Variants in SARS2 observed in about 807,000 individuals in gnomAD.
SARS2 encodes seryl-tRNA synthetase 2, mitochondrial, also known as serine--tRNA ligase, mitochondrial.
Under a neutral mutation model 66.8 loss-of-function variants are expected in SARS2, and 52 were observed. The ratio of observed to expected loss-of-function variants is 0.78; its 90% CI spans 0.62 to 0.98. The LOEUF (loss-of-function observed/expected upper bound fraction) is 0.98. Ranked by LOEUF, SARS2 falls within the 50% of genes least tolerant of loss-of-function variation. SARS2 has a pLI of 0.00. For missense variants in SARS2, 673 were observed against 706.3 expected (o/e 0.95, Z 0.53); for synonymous variants, 306 against 281.4 (o/e 1.09, Z -0.87).
chr19:38,921,240 C>A, intron 5 of SARS2, 152 bp downstream of exon 5: 1 of 790,144 alleles, frequency 1.3e-6, no homozygotes, highest in Non-Finnish European at 2.2e-6. Context: ...AGCTCGAGCT[C>A]GGCCAAGGCA....
chr19:38,919,768 G>C lies in SARS2; in HGVS notation c.753C>G (p.Leu251=). 1 of 1,614,024 alleles carries C rather than the reference G, an allele frequency of 6.2e-7. No individual in the cohort carries two copies. The highest frequency in any genetic ancestry group is 1.1e-5 in the South Asian group (1 of 91,078). The stretch of plus-strand genomic sequence containing the variant: ...CTCCTATCTTGGCCCATACCCGGCG[G>C]AGAAGCTTGTTGAATGTGAAGTTGA... The part of the protein sequence containing the change: ...GLVNFTFNKL[L]RRGFTPMTVP... Residue 251 remains leucine (L), a synonymous_variant, in exon 7 of 16, where the codon CTC becomes CTG. Coordinates refer to ENST00000221431, the MANE Select transcript of SARS2 (RefSeq NM_017827.4).
rs1414622986 is a variant in SARS2, at chr19:38,916,078, T to C, written c.1306A>G (p.Met436Val). Residue 436 changes from methionine (M) to valine (V), a missense_variant, in exon 14 of 16, where the codon ATG (methionine) becomes GTG (valine). Coordinates refer to ENST00000221431, the MANE Select transcript of SARS2 (RefSeq NM_017827.4). ...TDFQSRRLHI[M>V]FQTEAGELQF... ...AGCTCCCCAGCCTCGGTCTGGAACA[T>C]GATGTGGAGGCGGCGGCTCTGGAAG... is the stretch of plus-strand genomic sequence containing the variant. 17 of 1,613,666 alleles carry C rather than the reference T, an allele frequency of 1.1e-5. No homozygotes were observed. The highest frequency in any genetic ancestry group is 1.4e-5 in the Non-Finnish European group (17 of 1,179,940).
chr19:38,915,804 T>G, intron 15 of SARS2, 37 bp downstream of exon 15: 3 of 1,612,976 alleles, frequency 1.9e-6, no homozygotes, highest in Non-Finnish European at 2.5e-6. Flanking sequence ...TCCCCGGCGC[T>G]GAGCTGCCTC....
At chr19:38,929,196 C>CT (rs1331184053) in intron 1 of SARS2, among the ~76,000 whole-genome samples, 1 of 150,926 alleles carries the variant, frequency 6.6e-6, no homozygotes, top group Non-Finnish European at 1.5e-5. Context: ...AAAACTCCAT[C>CT]TCAAAAAAAA....
intron 1 of SARS2, chr19:38,928,347 A>C (rs1181576709): frequency 6.7e-6 from 1 of 150,188 alleles, no homozygotes; most frequent in Non-Finnish European, 1.5e-5. Flanking sequence ...GACTGCACTC[A>C]GGCCTGGGCG....
chr19:38,916,914 C>T (rs564646095), intron 12 of SARS2, among the ~76,000 whole-genome samples: 3 of 151,402 alleles, frequency 2.0e-5, no homozygotes, highest in South Asian at 2.1e-4. Flanking sequence ...CCGCCTGTCC[C>T]GGCCTCCCAA....
At chr19:38,918,720 G>A (rs746213116) in intron 8 of SARS2, 46 bp downstream of exon 8, 1 of 1,550,406 alleles carries the variant, frequency 6.4e-7, no homozygotes, top group South Asian at 1.2e-5. Context: ...CCCACGGCAG[G>A]GCCTGACACC....
chr19:38,923,217 TTC>T (rs1343060935), intron 2 of SARS2, among the ~76,000 whole-genome samples: 3 of 119,824 alleles, frequency 2.5e-5, no homozygotes, highest in East Asian at 5.0e-4. Context: ...ATCTCAGGTT[TTC>T]TTTTTTTTTT....
At position 38,916,664 on chromosome 19, in the gene SARS2, G is replaced by GGTT. The variant is rs1555743011; in HGVS notation, c.1161-351_1161-350insAAC. Among the ~76,000 whole-genome samples the GGTT allele has an allele frequency of 9.7e-5, 13 of 133,828 alleles. 1 individual carries two copies. The highest frequency in any genetic ancestry group is 9.5e-5 in the Non-Finnish European group (6 of 62,956). 87.8% of individuals were successfully genotyped at this position (133,828 alleles called of 152,430 possible). A position where few individuals can be genotyped will look rare whatever the true frequency, so the allele number is the denominator to read the frequency against. ...CATTTGCACCTTCTAGGCACCCTCG[G>GGTT]TTTTTTTTTTTTTTTTGAGACGGAG... On this transcript the variant is annotated intron_variant, in intron 12 of 15. Coordinates refer to ENST00000221431, the MANE Select transcript of SARS2 (RefSeq NM_017827.4).
At chr19:38,918,632 G>T (rs1974463876) in intron 8 of SARS2, 102 bp from the exon 9 acceptor site, 4 of 1,384,348 alleles carry the variant, frequency 2.9e-6, no homozygotes, top group East Asian at 2.4e-5. Context: ...ATCTGGAGCT[G>T]CCCTGGCCTC....
At chr19:38,929,198 CA>C (rs1041815503) in intron 1 of SARS2, among the ~76,000 whole-genome samples, 3 of 146,818 alleles carry the variant, frequency 2.0e-5, no homozygotes, top group Non-Finnish European at 3.0e-5. Flanking sequence ...AACTCCATCT[CA>C]AAAAAAAAAT....
In SARS2 at chr19:38,920,098, A is replaced by T; in HGVS notation, c.641T>A (p.Ile214Asn). 6.4e-7 allele frequency: 1 copy of T among 1,561,154 alleles called. No individual in the cohort carries two copies. ...GGGAGGGGCTCACTTCTGACGGATG[A>T]TGTCGAGTTTCTCGCCAATTTCCAG... ...GHLEIGEKLD[I>N]IRQKRLSHVS... The change falls in exon 6 of 16, where the codon ATC becomes AAC. Residue 214 changes from isoleucine (I) to asparagine (N), a missense_variant. Coordinates refer to ENST00000221431, the MANE Select transcript of SARS2 (RefSeq NM_017827.4).
Position 38,918,467 on chromosome 19 carries a change from A to G in SARS2, c.871T>C (p.Phe291Leu), listed in dbSNP as rs757034837. Residue 291 changes from phenylalanine (F) to leucine (L), a missense_variant, in exon 9 of 16, where the codon TTC becomes CTC. Physicochemically the swap from Phe to Leu is conservative, Grantham distance 22. Transcript: ENST00000221431. Reference protein sequence around the residue: ...SQIYNIDPARFKDLNLAGTAE... With the variant: ...SQIYNIDPARLKDLNLAGTAE... ...GTTCCAGCCAGGTTGAGATCTTTGA[A>G]GCGGGCAGGGTCGATGTTGTAAATT... 1.2e-6 allele frequency: 2 copies of G among 1,614,190 alleles called. No individual in the cohort carries two copies. Among genetic ancestry groups the G allele is most frequent in the Non-Finnish European group, 8.5e-7 (1 of 1,180,024 alleles).
In SARS2 at chr19:38,926,213, C is replaced by T; in HGVS notation, c.355G>A (p.Ala119Thr). Residue 119 changes from alanine to threonine, a missense_variant, in exon 2 of 16, where the codon GCC becomes ACC. By Grantham distance (58) the Ala-to-Thr change is moderately conservative. Transcript: ENST00000221431. ...EKAAVTEAVR[A>T]LLANQDSGEV... is the part of the protein sequence containing the mutation. Reference sequence around the variant, plus strand: ...CAGGGCACCATGCTCACCAGCAGGGCCCGCACTGCCTCAGTCACAGCTGCC... The same window carrying T: ...CAGGGCACCATGCTCACCAGCAGGGTCCGCACTGCCTCAGTCACAGCTGCC... The T allele has an allele frequency of 6.2e-7, 1 of 1,606,068 alleles. No homozygotes were observed. Among genetic ancestry groups the T allele is most frequent in the Non-Finnish European group, 8.5e-7 (1 of 1,179,832 alleles).
chr19:38,918,675 C>T, intron 8 of SARS2, 91 bp downstream of exon 8: 2 of 1,478,850 alleles, frequency 1.4e-6, no homozygotes, highest in South Asian at 2.4e-5. Flanking sequence ...AACCCAGCCC[C>T]AGGGCGGTCT....
intron 3 of SARS2, chr19:38,921,915 C>T: frequency 1.3e-6 from 2 of 1,483,680 alleles, no homozygotes; most frequent in Non-Finnish European, 1.8e-6. Flanking sequence ...AGACAGGCAC[C>T]TGATGTCAGC....
At chr19:38,927,579 A>G (rs75710269) in intron 1 of SARS2, among the ~76,000 whole-genome samples, 3 of 142,672 alleles carry the variant, frequency 2.1e-5, no homozygotes, top group Admixed American at 6.9e-5. Context: ...CCTTGTCTCC[A>G]AAAAAAAAAA....
At chr19:38,918,352 C>T (rs1468509729) in intron 9 of SARS2, 70 bp downstream of exon 9, 1 of 1,425,544 alleles carries the variant, frequency 7.0e-7, no homozygotes, top group Non-Finnish European at 9.9e-7. Context: ...CCCCCCAGTG[C>T]TCCCTGGACG....
intron 3 of SARS2, 154 bp downstream of exon 3, chr19:38,922,084 G>C: frequency 1.3e-6 from 2 of 1,594,798 alleles, no homozygotes; most frequent in South Asian, 1.1e-5. Flanking sequence ...CGCACCTGAA[G>C]CCAGTTTTAG....
Sources: gnomAD v4.1 joint callset for allele counts (sites outside exome capture counted in the v4.1 genomes callset) on GRCh38, gnomAD v4.1.1 for gene constraint, MANE v1.5 for transcripts, NCBI Gene and HGNC (gene_info 2026-07-23, HGNC 2026-07-21) for gene names.